Variants in ZNF444 observed in about 807,000 individuals in gnomAD.
ZNF444 encodes the protein zinc finger protein 444.
In ZNF444, 8 loss-of-function variants were observed where a neutral mutation model predicts 14.4. The observed-to-expected ratio is 0.56, with a 90% CI of 0.33 to 1.00. The LOEUF is 1.00. ZNF444 is among the 50% of genes least tolerant of loss of function. ZNF444 has a pLI of 0.03. For synonymous variants in ZNF444, 258 were observed against 235.9 expected (o/e 1.09, Z -0.86); for missense variants, 510 against 504.8 (o/e 1.01, Z -0.10).
intron 1 of ZNF444, among the ~76,000 whole-genome samples, chr19:56,134,826 AG>A (rs2030574450): frequency 6.6e-6 from 1 of 151,836 alleles, no homozygotes; most frequent in Non-Finnish European, 1.5e-5. Context: ...AAAAAAAAAA[AG>A]TATTAAGAAT....
Position 56,160,288 on chromosome 19 carries a change from C to CCTCCTTCCCTCCCATCG in ZNF444, c.*87_*88insCTCCTTCCCTCCCATCG. 9.2e-7 allele frequency: 1 copy of CCTCCTTCCCTCCCATCG among 1,089,330 alleles called. No homozygotes were observed. The highest frequency in any genetic ancestry group is 1.2e-6 in the Non-Finnish European group (1 of 817,078). The allele number at this position is 1,089,330 out of a possible 1,614,324, so 67.5% of individuals were successfully genotyped here. A position where few individuals can be genotyped will look rare whatever the true frequency, so the allele number is the denominator to read the frequency against. ...TCCCAGCGCCACTTGGCCTCTTCCT[C>CCTCCTTCCCTCCCATCG]TCCTCCTTCCCTCCCATCGTCCTCC... On this transcript the variant is annotated 3_prime_UTR_variant, in exon 5 of 5. Coordinates refer to ENST00000337080, the MANE Select transcript of ZNF444 (RefSeq NM_018337.4).
At chr19:56,153,778 G>A (rs2031730771) in intron 3 of ZNF444, among the ~76,000 whole-genome samples, 1 of 152,192 alleles carries the variant, frequency 6.6e-6, no homozygotes, top group Admixed American at 6.5e-5. Flanking sequence ...TAGCTTGACA[G>A]GAAATGCCCC....
chr19:56,143,670 T>C (rs1243776234), intron 1 of ZNF444: 4 of 152,154 alleles, frequency 2.6e-5, no homozygotes, highest in Non-Finnish European at 5.9e-5. Context: ...CCTGTAAAGT[T>C]TATTTGAGTG....
intron 1 of ZNF444, among the ~76,000 whole-genome samples, chr19:56,135,305 G>A (rs1011759103): frequency 7.2e-5 from 11 of 152,176 alleles, no homozygotes; most frequent in Non-Finnish European, 1.3e-4. Flanking sequence ...CAACCACACA[G>A]GTTGCATCCC....
chr19:56,150,411 G>T, intron 3 of ZNF444: 1 of 345,030 alleles, frequency 2.9e-6, no homozygotes, highest in African/African-American at 2.1e-5. Flanking sequence ...TTCTCTGCTT[G>T]CTCCGAGGCG....
intron 3 of ZNF444, among the ~76,000 whole-genome samples, chr19:56,148,521 C>T (rs1008219265): frequency 6.6e-6 from 1 of 152,096 alleles, no homozygotes; most frequent in African/African-American, 2.4e-5. Flanking sequence ...GGGAGCAGCT[C>T]CCGTCAAGGC....
At chr19:56,132,671 G>A (rs665857) in exon 1 of ZNF444, 141,641 of 152,218 alleles carry the variant, frequency 0.93, 66,545 homozygotes, top group Non-Finnish European at 0.99. Context: ...GGGGCGAGAC[G>A]GAAGCCACAG....
chr19:56,135,673 C>T (rs1738840659), intron 1 of ZNF444, among the ~76,000 whole-genome samples: 1 of 151,796 alleles, frequency 6.6e-6, no homozygotes, highest in Non-Finnish European at 1.5e-5. Flanking sequence ...CCCAGCAGTG[C>T]CCCAGCAAAT....
At chr19:56,148,161 G>A (rs557639770) in intron 3 of ZNF444, among the ~76,000 whole-genome samples, 1 of 152,246 alleles carries the variant, frequency 6.6e-6, no homozygotes, top group Non-Finnish European at 1.5e-5. Flanking sequence ...CCTTTCAGTA[G>A]TGGCACTCTC....
At position 56,160,440 on chromosome 19, in the gene ZNF444, CCT is replaced by C. The variant is rs145803616; in HGVS notation, c.*248_*249del. On this transcript the variant is annotated 3_prime_UTR_variant, in exon 5 of 5. Coordinates refer to ENST00000337080, the MANE Select transcript of ZNF444 (RefSeq NM_018337.4). Reference sequence around the variant, plus strand: ...CCCCCCCTTCTCCCTGATTTCTCGGCCTCTCTCTCTGTGTGAAGGGGCCTCTC... The same window carrying C: ...CCCCCCCTTCTCCCTGATTTCTCGGCCTCTCTCTGTGTGAAGGGGCCTCTC... 75 of 475,162 alleles carry C rather than the reference CCT, an allele frequency of 1.6e-4. No individual in the cohort carries two copies. The South Asian group carries it at 2.1e-3, about 13-fold the overall frequency. 29.4% of individuals were successfully genotyped at this position (475,162 alleles called of 1,614,324 possible).
chr19:56,153,685 G>A (rs10413795), intron 3 of ZNF444, among the ~76,000 whole-genome samples: 9,450 of 152,284 alleles, frequency 0.062, 464 homozygotes, highest in African/African-American at 0.14. Context: ...GGGGCAGGGC[G>A]TCTGCCAATC....
intron 1 of ZNF444, among the ~76,000 whole-genome samples, chr19:56,136,124 C>T (rs1478783026): frequency 6.6e-6 from 1 of 151,376 alleles, no homozygotes; most frequent in Admixed American, 6.6e-5. Context: ...GGACCCGCTC[C>T]TTATTGGGCC....
chr19:56,138,986 G>A (rs970913767), upstream of ZNF444, among the ~76,000 whole-genome samples: 3 of 151,388 alleles, frequency 2.0e-5, no homozygotes, highest in South Asian at 2.1e-4. Flanking sequence ...TAGTAGAGAC[G>A]GGGTTTCACC....
At chr19:56,142,793 A>C (rs933460821) in intron 1 of ZNF444, among the ~76,000 whole-genome samples, 6 of 152,176 alleles carry the variant, frequency 3.9e-5, no homozygotes, top group African/African-American at 1.4e-4. Flanking sequence ...CTGGAAGTTG[A>C]AGCCAGGCAG....
chr19:56,155,282 GCAA>G (rs1301477060), intron 3 of ZNF444: 4 of 152,532 alleles, frequency 2.6e-5, no homozygotes, highest in Non-Finnish European at 4.4e-5. Context: ...ACTCCTCCCG[GCAA>G]CAACGTGTGA....
intron 3 of ZNF444, chr19:56,151,622 C>T (rs1224473094): frequency 5.0e-6 from 2 of 401,684 alleles, no homozygotes; most frequent in Non-Finnish European, 9.6e-6. Context: ...ATTGGGGTTT[C>T]TTGGCATCTG....
Position 56,159,581 on chromosome 19 carries a change from G to A in ZNF444, c.407-43G>A, listed in dbSNP as rs990711577. On this transcript the variant is annotated intron_variant, in intron 4 of 4. Coordinates refer to ENST00000337080, the MANE Select transcript of ZNF444 (RefSeq NM_018337.4). ...CCCCAGCCTGTGCTGTCCTTGCCCCGCCCTCGTGCCGACCCAGATGCTGAC... is the reference window on the plus strand; with the variant it reads ...CCCCAGCCTGTGCTGTCCTTGCCCCACCCTCGTGCCGACCCAGATGCTGAC... The A allele has an allele frequency of 3.6e-6, 5 of 1,406,840 alleles. No individual in the cohort carries two copies. The African/African-American group carries it at 4.5e-5, about 13-fold the overall frequency. 87.1% of individuals were successfully genotyped at this position (1,406,840 alleles called of 1,614,324 possible).
Position 56,160,415 on chromosome 19 carries a change from C to A in ZNF444, c.*214C>A, listed in dbSNP as rs189978566. 1.8e-4 allele frequency: 87 copies of A among 485,692 alleles called. No homozygotes were observed. Among genetic ancestry groups the A allele is most frequent in the African/African-American group, 4.9e-4 (24 of 48,752 alleles). 30.1% of individuals were successfully genotyped at this position (485,692 alleles called of 1,614,324 possible). ...TTTCCTTCTCAGGTCTCACCTCAGC[C>A]CCCCCCTTCTCCCTGATTTCTCGGC... On this transcript the variant is annotated 3_prime_UTR_variant, in exon 5 of 5. Transcript: ENST00000337080.
chr19:56,135,550 T>C (rs1038588126), intron 1 of ZNF444, among the ~76,000 whole-genome samples: 1 of 151,938 alleles, frequency 6.6e-6, no homozygotes, highest in Non-Finnish European at 1.5e-5. Context: ...CTACCAGCCC[T>C]CATGGTACCC....
Sources: gnomAD v4.1 joint callset for allele counts (sites outside exome capture counted in the v4.1 genomes callset) on GRCh38, gnomAD v4.1.1 for gene constraint, MANE v1.5 for transcripts, NCBI Gene and HGNC (gene_info 2026-07-23, HGNC 2026-07-21) for gene names.